Variants in CAMK2D observed in about 807,000 individuals in gnomAD.
CAMK2D encodes calcium/calmodulin-dependent protein kinase type II subunit delta.
CAMK2D carries 37 observed loss-of-function variants against 84.0 expected under a neutral mutation model. That is an observed-to-expected ratio of 0.44 (90% confidence interval 0.34 to 0.58). The LOEUF is 0.58. Among genes scored for constraint, CAMK2D ranks in the 20% least tolerant of loss-of-function variants. The pLI, the probability that CAMK2D is intolerant of heterozygous loss-of-function variation, is 0.02. For missense variants in CAMK2D, 448 were observed against 652.5 expected (o/e 0.69, Z 3.41); for synonymous variants, 202 against 212.5 (o/e 0.95, Z 0.43).
At chr4:113,460,388 G>T in intron 17 of CAMK2D, 147 bp from the exon 18 acceptor site, 1 of 649,638 alleles carries the variant, frequency 1.5e-6, no homozygotes, top group Non-Finnish European at 2.8e-6. Context: ...ATAAACCTTG[G>T]CAAGGTGGGT....
chr4:113,621,652 ATTCT>A (rs1371465437), intron 3 of CAMK2D, among the ~76,000 whole-genome samples: 4 of 152,222 alleles, frequency 2.6e-5, no homozygotes, highest in African/African-American at 9.6e-5. Context: ...GGGAGGGTTC[ATTCT>A]TTCAGTCACT....
At chr4:113,637,319 T>C (rs2099113850) in intron 3 of CAMK2D, among the ~76,000 whole-genome samples, 1 of 152,200 alleles carries the variant, frequency 6.6e-6, no homozygotes, top group Non-Finnish European at 1.5e-5. Context: ...TAATTCTAAA[T>C]ATACAATGAT....
chr4:113,710,995 G>A (rs561082707), intron 2 of CAMK2D, among the ~76,000 whole-genome samples: 5 of 152,038 alleles, frequency 3.3e-5, no homozygotes, highest in Middle Eastern at 3.4e-3. Context: ...TCTGAATCTC[G>A]TGGAATTGCT....
At chr4:113,607,282 G>A (rs2098981904) in intron 4 of CAMK2D, among the ~76,000 whole-genome samples, 1 of 152,198 alleles carries the variant, frequency 6.6e-6, no homozygotes, top group Non-Finnish European at 1.5e-5. Context: ...ACGGCCACAT[G>A]AGCAAGACAT....
At chr4:113,513,490 A>ATTGT (rs1177312174) in intron 11 of CAMK2D, 120 bp from the exon 12 acceptor site, 8 of 763,810 alleles carry the variant, frequency 1.0e-5, no homozygotes, top group Admixed American at 6.7e-5. Context: ...GGGATTTTTT[A>ATTGT]TTGTTTGTTT....
At chr4:113,696,483 T>TA (rs1278632759) in intron 2 of CAMK2D, among the ~76,000 whole-genome samples, 3 of 152,020 alleles carry the variant, frequency 2.0e-5, no homozygotes, top group Non-Finnish European at 2.9e-5. Context: ...AGTCTCTACA[T>TA]AAAAAATCAC....
chr4:113,693,728 A>G (rs138596754), intron 2 of CAMK2D, among the ~76,000 whole-genome samples: 1 of 152,328 alleles, frequency 6.6e-6, no homozygotes, highest in East Asian at 1.9e-4. Context: ...ACCAAACACA[A>G]GTATAAAAAT....
chr4:113,639,733 A>G (rs1442259929), intron 3 of CAMK2D, among the ~76,000 whole-genome samples: 3 of 151,994 alleles, frequency 2.0e-5, no homozygotes, highest in African/African-American at 7.3e-5. Context: ...ATGGAAAAAT[A>G]AGAAATTACA....
intron 4 of CAMK2D, among the ~76,000 whole-genome samples, chr4:113,565,598 C>G (rs562868356): frequency 6.6e-6 from 1 of 151,176 alleles, no homozygotes; most frequent in Non-Finnish European, 1.5e-5. Flanking sequence ...TTGCAGTGAG[C>G]CGAGATCATG....
intron 2 of CAMK2D, among the ~76,000 whole-genome samples, chr4:113,699,015 A>C (rs1280457864): frequency 1.3e-5 from 2 of 152,210 alleles, no homozygotes; most frequent in African/African-American, 4.8e-5. Flanking sequence ...CTATATTTCC[A>C]TTGGATAGAT....
intron 2 of CAMK2D, among the ~76,000 whole-genome samples, chr4:113,720,876 CCAGTG>C (rs1403894768): frequency 6.6e-6 from 1 of 152,020 alleles, no homozygotes; most frequent in East Asian, 1.9e-4. Context: ...AATTGTATTA[CCAGTG>C]CATATTTTAT....
At chr4:113,722,453 A>G (rs1029459416) in intron 2 of CAMK2D, among the ~76,000 whole-genome samples, 10 of 152,306 alleles carry the variant, frequency 6.6e-5, no homozygotes, top group Admixed American at 5.2e-4. Context: ...AAATGGAGAA[A>G]TAAAACAATG....
chr4:113,687,224 A>C (rs1403810702), intron 2 of CAMK2D, among the ~76,000 whole-genome samples: 5 of 152,232 alleles, frequency 3.3e-5, no homozygotes, highest in African/African-American at 1.2e-4. Flanking sequence ...GTGTTACTGA[A>C]ATGTAGGAAA....
At chr4:113,486,807 A>G (rs892753178) in intron 16 of CAMK2D, among the ~76,000 whole-genome samples, 1 of 152,212 alleles carries the variant, frequency 6.6e-6, no homozygotes, top group Admixed American at 6.5e-5. Flanking sequence ...GTTAAGTGCT[A>G]TTGATCACGA....
At chr4:113,556,746 G>T (rs1222423831) in intron 4 of CAMK2D, among the ~76,000 whole-genome samples, 1 of 152,068 alleles carries the variant, frequency 6.6e-6, no homozygotes, top group East Asian at 1.9e-4. Flanking sequence ...AGTCTATGGG[G>T]ATACAATGAA....
chr4:113,624,761 A>G (rs987097277), intron 3 of CAMK2D, among the ~76,000 whole-genome samples: 5 of 152,214 alleles, frequency 3.3e-5, no homozygotes, highest in African/African-American at 1.2e-4. Context: ...TCAGTGTCTT[A>G]AACCAAATCA....
intron 3 of CAMK2D, among the ~76,000 whole-genome samples, chr4:113,623,376 G>A (rs1251807606): frequency 6.8e-6 from 1 of 147,062 alleles, no homozygotes; most frequent in East Asian, 2.1e-4. Flanking sequence ...CTATCATGAT[G>A]TGTATATACA....
chr4:113,502,983 TGAGAACAAAATA>T lies in CAMK2D; in HGVS notation c.1045-18_1045-7del. On this transcript the variant is annotated splice_polypyrimidine_tract_variant and splice_region_variant and intron_variant, in intron 14 of 20. Coordinates refer to ENST00000511664, the MANE Select transcript of CAMK2D (RefSeq NM_001321571.2). ...ATTACAGTAGTTTGGGGCTCCTGAGTGAGAACAAAATAGAGAAAGAAACAGTTCGCATTGGTA... is the reference window on the plus strand; with the variant it reads ...ATTACAGTAGTTTGGGGCTCCTGAGTGAGAAAGAAACAGTTCGCATTGGTA... The T allele has an allele frequency of 6.3e-7, 1 of 1,597,734 alleles. No homozygotes were observed. The highest frequency in any genetic ancestry group is 8.6e-7 in the Non-Finnish European group (1 of 1,165,178).
intron 2 of CAMK2D, among the ~76,000 whole-genome samples, chr4:113,747,147 C>A (rs1443705641): frequency 6.6e-6 from 1 of 151,638 alleles, no homozygotes; most frequent in Non-Finnish European, 1.5e-5. Flanking sequence ...CTGGGCCTTG[C>A]TAGGGAGGCT....
Sources: gnomAD v4.1 joint callset for allele counts (sites outside exome capture counted in the v4.1 genomes callset) on GRCh38, gnomAD v4.1.1 for gene constraint, MANE v1.5 for transcripts, NCBI Gene and HGNC (gene_info 2026-07-23, HGNC 2026-07-21) for gene names.